Variants in PHACTR2 observed in about 807,000 individuals in gnomAD.
PHACTR2 encodes phosphatase and actin regulator 2.
In PHACTR2, 30 loss-of-function variants were observed where a neutral mutation model predicts 76.0. The observed-to-expected ratio is 0.39, with a 90% CI of 0.30 to 0.54. The LOEUF is 0.54. Ranked by LOEUF, PHACTR2 falls within the 20% of genes least tolerant of loss-of-function variation. The probability of loss-of-function intolerance (pLI) is 0.61; values close to 1 mark genes in which losing one functional copy is unlikely to be tolerated. For missense variants in PHACTR2, 696 were observed against 781.1 expected (o/e 0.89, Z 1.30); for synonymous variants, 292 against 292.5 (o/e 1.00, Z 0.02).
chr6:143,719,986 A>G (rs1235667271), intron 2 of PHACTR2, among the ~76,000 whole-genome samples: 1 of 151,506 alleles, frequency 6.6e-6, no homozygotes, highest in Non-Finnish European at 1.5e-5. Context: ...TAATTTTTAT[A>G]TTTTTAGTAG....
chr6:143,757,333 C>T lies in PHACTR2; in HGVS notation c.455-3068C>T, dbSNP rs1779325176. On this transcript the variant is annotated intron_variant, in intron 4 of 12. Transcript: ENST00000440869. This position sits in a 1 kb window ranked among gnomAD's most constrained non-coding sequence, Gnocchi z 4.2. Reference sequence around the variant, plus strand: ...CAAGATGCGAAGTACCGTAGAAGGCCTGAGCACAGCAACCCAAGGGAGCTC... The same window carrying T: ...CAAGATGCGAAGTACCGTAGAAGGCTTGAGCACAGCAACCCAAGGGAGCTC... 6.6e-6 allele frequency among the ~76,000 whole-genome samples: 1 copy of T among 152,156 alleles called. No individual in the cohort carries two copies. Among genetic ancestry groups the T allele is most frequent in the South Asian group, 2.1e-4 (1 of 4,828 alleles).
At chr6:143,686,795 T>C (rs1482293990) in intron 1 of PHACTR2, among the ~76,000 whole-genome samples, 1 of 152,144 alleles carries the variant, frequency 6.6e-6, no homozygotes, top group East Asian at 1.9e-4. Flanking sequence ...AGGAACTTCA[T>C]TCTTGAAGAG....
Position 143,801,472 on chromosome 6 carries a change from C to A in PHACTR2, c.1846-5585C>A, listed in dbSNP as rs1257777311. On this transcript the variant is annotated intron_variant, in intron 11 of 12. Transcript: ENST00000440869. This position sits in a 1 kb window ranked among gnomAD's most constrained non-coding sequence, Gnocchi z 4.6. ...TGATCTTCAATCACTGATATACTTT[C>A]TTCCGCTTGATCGAAGTGGCTATTG... 6.6e-6 allele frequency among the ~76,000 whole-genome samples: 1 copy of A among 152,144 alleles called. No individual in the cohort carries two copies. Among genetic ancestry groups the A allele is most frequent in the Non-Finnish European group, 1.5e-5 (1 of 68,028 alleles).
intron 1 of PHACTR2, among the ~76,000 whole-genome samples, chr6:143,579,905 C>T (rs972547733): frequency 3.3e-5 from 5 of 152,312 alleles, no homozygotes; most frequent in Non-Finnish European, 7.3e-5. Flanking sequence ...CAGTCATCTC[C>T]TGGCTCTGCC....
intron 1 of PHACTR2, among the ~76,000 whole-genome samples, chr6:143,628,762 G>A (rs1279866722): frequency 6.6e-6 from 1 of 151,646 alleles, no homozygotes; most frequent in African/African-American, 2.4e-5. Flanking sequence ...CTGAAGGTGG[G>A]GGAAGAGGGA....
intron 11 of PHACTR2, among the ~76,000 whole-genome samples, chr6:143,797,696 G>C (rs544190849): frequency 6.6e-6 from 1 of 152,170 alleles, no homozygotes; most frequent in Non-Finnish European, 1.5e-5. Context: ...GTATGTGTCA[G>C]GTTTGTCAAA....
At chr6:143,729,404 T>C (rs1325864688) in intron 2 of PHACTR2, among the ~76,000 whole-genome samples, 2 of 152,112 alleles carry the variant, frequency 1.3e-5, no homozygotes, top group Non-Finnish European at 2.9e-5. Context: ...TCTCCTGTCA[T>C]GCCTAATCTC....
intron 1 of PHACTR2, among the ~76,000 whole-genome samples, chr6:143,559,661 T>C (rs1351047801): frequency 6.8e-6 from 1 of 146,808 alleles, no homozygotes; most frequent in Non-Finnish European, 1.5e-5. Flanking sequence ...ACTAGAAATA[T>C]CAATAAAAAT....
chr6:143,667,261 T>C (rs1355758895), intron 1 of PHACTR2, among the ~76,000 whole-genome samples: 5 of 152,222 alleles, frequency 3.3e-5, no homozygotes, highest in Admixed American at 6.5e-5. Context: ...ACCAGTACCA[T>C]GCTGCTTTGG....
At chr6:143,569,695 T>C (rs948925190) in intron 1 of PHACTR2, among the ~76,000 whole-genome samples, 1 of 152,258 alleles carries the variant, frequency 6.6e-6, no homozygotes, top group Admixed American at 6.5e-5. Flanking sequence ...TATTTACATG[T>C]ATAATTCTTT....
rs1213518411 is a variant in PHACTR2, at chr6:143,653,986, A to G, written c.13+45664A>G. ...GTTGTATCTGAAAAGGGAAGTATCT[A>G]TATAGAGAACAATTACAATGCAATA... On this transcript the variant is annotated intron_variant, in intron 1 of 11. Transcript: ENST00000305766. The surrounding 1 kb of genome is among the most constrained non-coding windows in gnomAD (Gnocchi z 4.9). Among the ~76,000 whole-genome samples the G allele has an allele frequency of 6.6e-6, 1 of 152,218 alleles. No homozygotes were observed. The highest frequency in any genetic ancestry group is 6.5e-5 in the Admixed American group (1 of 15,284).
chr6:143,699,230 G>A (rs564559302), intron 1 of PHACTR2, among the ~76,000 whole-genome samples: 5 of 152,188 alleles, frequency 3.3e-5, no homozygotes, highest in Admixed American at 6.5e-5. Flanking sequence ...TGCAGTCCCC[G>A]TGTGGCTGGT....
chr6:143,679,955 G>T lies in PHACTR2; in HGVS notation c.46+1746G>T, dbSNP rs981526697. Among the ~76,000 whole-genome samples the T allele has an allele frequency of 1.3e-5, 2 of 152,122 alleles. No individual in the cohort carries two copies. The highest frequency in any genetic ancestry group is 2.9e-5 in the Non-Finnish European group (2 of 68,012). On this transcript the variant is annotated intron_variant, in intron 1 of 12. Coordinates refer to ENST00000440869, the MANE Select transcript of PHACTR2 (RefSeq NM_001100164.2). The surrounding 1 kb of genome is among the most constrained non-coding windows in gnomAD (Gnocchi z 4.6). Reference sequence around the variant, plus strand: ...CCTCAGTTTTGCGGATTAAAAGTTTGTATGAATTGAAATGACCAATCCATA... The same window carrying T: ...CCTCAGTTTTGCGGATTAAAAGTTTTTATGAATTGAAATGACCAATCCATA...
chr6:143,606,262 A>ATAC (rs1775868450), upstream of PHACTR2, among the ~76,000 whole-genome samples: 1 of 151,752 alleles, frequency 6.6e-6, no homozygotes, highest in African/African-American at 2.4e-5. Flanking sequence ...AACTTACAAA[A>ATAC]AACAATATTT....
chr6:143,631,686 C>T (rs1042054068), intron 1 of PHACTR2, among the ~76,000 whole-genome samples: 7 of 152,282 alleles, frequency 4.6e-5, no homozygotes, highest in Admixed American at 6.5e-5. Context: ...ACCCCACAAA[C>T]GAGGTCTCAT....
chr6:143,543,856 C>T lies in PHACTR2; in HGVS notation c.217+6649C>T, dbSNP rs552898497. On this transcript the variant is annotated intron_variant, in intron 1 of 11. Transcript: ENST00000367584. The surrounding 1 kb of genome is among the most constrained non-coding windows in gnomAD (Gnocchi z 4.7). ...TGGATATATTCTGAGTATATTCTGA[C>T]ATGAACACTGAAAGACAGAGACAAT... Among the ~76,000 whole-genome samples, 4 of 152,276 alleles carry T rather than the reference C, an allele frequency of 2.6e-5. No homozygotes were observed. Among genetic ancestry groups the T allele is most frequent in the Admixed American group, 2.6e-4 (4 of 15,290 alleles).
At chr6:143,799,217 G>A (rs7766927) in intron 11 of PHACTR2, among the ~76,000 whole-genome samples, 193 of 152,182 alleles carry the variant, frequency 1.3e-3, no homozygotes, top group African/African-American at 4.4e-3. Context: ...TGTTTCTGTG[G>A]GATCAGTGGT....
chr6:143,644,400 G>A (rs563094578), intron 1 of PHACTR2, among the ~76,000 whole-genome samples: 25 of 150,594 alleles, frequency 1.7e-4, no homozygotes, highest in Non-Finnish European at 3.2e-4. Context: ...CCCGGGAGGC[G>A]GAGCTTGCAG....
intron 2 of PHACTR2, among the ~76,000 whole-genome samples, chr6:143,741,277 T>C: frequency 6.7e-6 from 1 of 149,352 alleles, no homozygotes; most frequent in East Asian, 2.0e-4. Context: ...CTCAGAAGGC[T>C]GAGGCAGGAG....
Sources: gnomAD v4.1 joint callset for allele counts (sites outside exome capture counted in the v4.1 genomes callset) on GRCh38, gnomAD v4.1.1 for gene constraint, Gnocchi (gnomAD v3.1) non-coding constraint, MANE v1.5 for transcripts, NCBI Gene and HGNC (gene_info 2026-07-23, HGNC 2026-07-21) for gene names.